The following FCHSD2 variants were observed in gnomAD, a reference collection of about 807,000 sequenced individuals.
The protein encoded by FCHSD2 is FCH and double SH3 domains 2, also known as F-BAR and double SH3 domains protein 2.
Under a neutral mutation model 108.1 loss-of-function variants are expected in FCHSD2, and 38 were observed. The ratio of observed to expected loss-of-function variants is 0.35; its 90% CI spans 0.27 to 0.46. The LOEUF is 0.46. Among genes scored for constraint, FCHSD2 ranks in the 20% least tolerant of loss-of-function variants. FCHSD2 has a pLI of 1.00. For missense variants in FCHSD2, 751 were observed against 897.8 expected, an observed-to-expected ratio of 0.84 and a Z score of 2.09; for synonymous variants, 279 against 314.7, an observed-to-expected ratio of 0.89 and a Z score of 1.20.
At chr11:72,860,609 C>T (rs965007441) in intron 13 of FCHSD2, among the ~76,000 whole-genome samples, 1 of 152,090 alleles carries the variant, frequency 6.6e-6, no homozygotes. Flanking sequence ...CTTTGGGAGG[C>T]TGAGGTGGGT....
intron 3 of FCHSD2, among the ~76,000 whole-genome samples, chr11:73,079,059 CA>C (rs747011718): frequency 2.0e-5 from 3 of 152,110 alleles, no homozygotes; most frequent in Admixed American, 1.3e-4. Context: ...TAATAGTTTA[CA>C]TGAGTGTGTT....
chr11:72,916,782 T>C (rs1855882417), intron 9 of FCHSD2, among the ~76,000 whole-genome samples: 1 of 152,222 alleles, frequency 6.6e-6, no homozygotes, highest in South Asian at 2.1e-4. Context: ...CAAAAGCTTT[T>C]AATTTGATAC....
chr11:72,966,594 A>G (rs1278862350), intron 8 of FCHSD2, among the ~76,000 whole-genome samples: 6 of 152,142 alleles, frequency 3.9e-5, no homozygotes, highest in Non-Finnish European at 8.8e-5. Flanking sequence ...TGTCCCTAGT[A>G]CTTAATGATG....
At chr11:72,951,737 T>C (rs1856623997) in intron 8 of FCHSD2, among the ~76,000 whole-genome samples, 1 of 152,200 alleles carries the variant, frequency 6.6e-6, no homozygotes, top group Non-Finnish European at 1.5e-5. Context: ...AGAGTCTCAA[T>C]GTCATGACTT....
chr11:73,078,640 A>AT (rs1215823093), intron 3 of FCHSD2, among the ~76,000 whole-genome samples: 1 of 152,034 alleles, frequency 6.6e-6, no homozygotes, highest in Admixed American at 6.6e-5. Flanking sequence ...TTCTGATAAA[A>AT]AAAAAAAAAG....
intron 3 of FCHSD2, among the ~76,000 whole-genome samples, chr11:73,046,704 A>G (rs1858775662): frequency 6.6e-6 from 1 of 152,214 alleles, no homozygotes. Flanking sequence ...CACAAGTATA[A>G]CAAGATAAAT....
At chr11:73,074,269 T>C (rs1156273497) in intron 3 of FCHSD2, among the ~76,000 whole-genome samples, 1 of 152,148 alleles carries the variant, frequency 6.6e-6, no homozygotes, top group African/African-American at 2.4e-5. Flanking sequence ...GATTTTCAGT[T>C]GAGGAAGCAC....
chr11:73,034,010 T>C (rs917003174), intron 3 of FCHSD2, among the ~76,000 whole-genome samples: 2 of 152,214 alleles, frequency 1.3e-5, no homozygotes, highest in Non-Finnish European at 2.9e-5. Flanking sequence ...ACAATTTTAA[T>C]ACCGATAGCA....
intron 9 of FCHSD2, among the ~76,000 whole-genome samples, chr11:72,911,455 T>G (rs1369670361): frequency 1.3e-5 from 2 of 152,186 alleles, no homozygotes; most frequent in Non-Finnish European, 2.9e-5. Context: ...GCTGGATAGC[T>G]TTGGTTATTC....
At chr11:72,916,987 T>C (rs1855887601) in intron 9 of FCHSD2, among the ~76,000 whole-genome samples, 1 of 24,100 alleles carries the variant, frequency 4.1e-5, no homozygotes, top group Non-Finnish European at 1.1e-4. Context: ...TTTTTTTTTT[T>C]TTTTTTTTTT....
At chr11:72,889,677 C>T (rs1294055177) in intron 11 of FCHSD2, among the ~76,000 whole-genome samples, 152 bp downstream of exon 11, 3 of 152,128 alleles carry the variant, frequency 2.0e-5, no homozygotes, top group African/African-American at 7.2e-5. Flanking sequence ...CACACCACTG[C>T]CCTTCAACCT....
At chr11:72,878,686 T>C (rs1327353636) in intron 12 of FCHSD2, among the ~76,000 whole-genome samples, 1 of 152,076 alleles carries the variant, frequency 6.6e-6, no homozygotes, top group Non-Finnish European at 1.5e-5. Context: ...ACTAAATAGA[T>C]AAAAATCTAT....
chr11:73,056,701 CAT>C (rs1368750065), intron 3 of FCHSD2, among the ~76,000 whole-genome samples: 15 of 152,074 alleles, frequency 9.9e-5, no homozygotes, highest in African/African-American at 3.6e-4. Flanking sequence ...AACAATAAGT[CAT>C]ATGACAGAAA....
At chr11:73,049,129 A>T (rs1591512817) in intron 3 of FCHSD2, among the ~76,000 whole-genome samples, 1 of 152,334 alleles carries the variant, frequency 6.6e-6, no homozygotes, top group East Asian at 1.9e-4. Context: ...ATATGTAAAA[A>T]GACGTAGTGG....
At chr11:73,021,578 GGA>G (rs1858106151) in intron 3 of FCHSD2, among the ~76,000 whole-genome samples, 1 of 152,054 alleles carries the variant, frequency 6.6e-6, no homozygotes, top group Non-Finnish European at 1.5e-5. Context: ...CTAGAAGGAA[GGA>G]GAGGATCAGG....
At chr11:73,008,562 G>A (rs1397365688) in intron 4 of FCHSD2, among the ~76,000 whole-genome samples, 2 of 152,182 alleles carry the variant, frequency 1.3e-5, no homozygotes, top group East Asian at 1.9e-4. Context: ...TGCAACTGAG[G>A]TGCCCAAAGG....
chr11:72,851,727 G>A (rs1172774584), intron 13 of FCHSD2, among the ~76,000 whole-genome samples: 2 of 152,060 alleles, frequency 1.3e-5, no homozygotes, highest in Admixed American at 6.6e-5. Context: ...TGGTGACAGA[G>A]CGAGACTCTG....
chr11:72,855,753 C>T (rs1443947180), intron 13 of FCHSD2, among the ~76,000 whole-genome samples: 4 of 152,072 alleles, frequency 2.6e-5, no homozygotes, highest in East Asian at 1.9e-4. Context: ...CAGGCACTTA[C>T]CTAGAGCACT....
intron 8 of FCHSD2, among the ~76,000 whole-genome samples, chr11:72,927,675 G>C (rs552813843): frequency 8.5e-5 from 13 of 152,276 alleles, no homozygotes; most frequent in Admixed American, 2.0e-4. Flanking sequence ...ACTGGCCTGG[G>C]ACCATACTTT....
Sources: gnomAD v4.1 joint callset for allele counts (sites outside exome capture counted in the v4.1 genomes callset) on GRCh38, gnomAD v4.1.1 for gene constraint, MANE v1.5 for transcripts, NCBI Gene and HGNC (gene_info 2026-07-23, HGNC 2026-07-21) for gene names.